Variants in GALNT8 observed in about 807,000 individuals in gnomAD.
GALNT8 encodes the protein polypeptide N-acetylgalactosaminyltransferase 8.
Under a neutral mutation model 62.7 loss-of-function variants are expected in GALNT8, and 66 were observed. The observed-to-expected ratio is 1.05, with a 90% confidence interval of 0.86 to 1.29. GALNT8 has a LOEUF of 1.29. GALNT8 is among the 50% of genes most tolerant of loss of function. The pLI is 0.00. For missense variants in GALNT8, 771 were observed against 791.8 expected (o/e 0.97, Z 0.32); for synonymous variants, 288 against 294.3 (o/e 0.98, Z 0.22).
chr12:4,727,816 T>C (rs1428220202), intron 2 of GALNT8, among the ~76,000 whole-genome samples: 1 of 152,242 alleles, frequency 6.6e-6, no homozygotes, highest in Non-Finnish European at 1.5e-5. Flanking sequence ...TGAATAATAC[T>C]GCTGTGAACA....
At position 4,760,976 on chromosome 12, in the gene GALNT8, A is replaced by C. The variant is rs1591573764; in HGVS notation, c.1192A>C (p.Lys398Gln). 1 of 1,613,630 alleles carries C rather than the reference A, an allele frequency of 6.2e-7. No individual in the cohort carries two copies. ...TCTGCAGGTGTGGCAGTGTGGAGGG[A>C]AGGTCGAGATTTTGCCCTGTTCCCG... ...LSLRVWQCGG[K>Q]VEILPCSRIA... Residue 398 changes from lysine to glutamine, a missense_variant, in exon 7 of 11, where the codon AAG becomes CAG. Coordinates refer to ENST00000252318, the MANE Select transcript of GALNT8 (RefSeq NM_017417.2).
At chr12:4,769,096 T>G (rs971546405) in intron 10 of GALNT8, among the ~76,000 whole-genome samples, 1 of 152,158 alleles carries the variant, frequency 6.6e-6, no homozygotes, top group Admixed American at 6.5e-5. Flanking sequence ...GTTAAGATAG[T>G]GTGCCACTGA....
At chr12:4,743,119 G>GGGATTACA (rs1946279399) in intron 3 of GALNT8, among the ~76,000 whole-genome samples, 1 of 152,228 alleles carries the variant, frequency 6.6e-6, no homozygotes, top group South Asian at 2.1e-4. Context: ...CCAAAGTGCT[G>GGGATTACA]GGATTACAGG....
In GALNT8 at chr12:4,771,263, C is replaced by T. The variant is rs370558549; in HGVS notation, c.1762-1182C>T. Among the ~76,000 whole-genome samples, 32 of 152,314 alleles carry T rather than the reference C, an allele frequency of 2.1e-4. 1 individual carries two copies. The East Asian group carries it at 3.9e-3, about 18-fold the overall frequency. On this transcript the variant is annotated intron_variant, in intron 10 of 10. Coordinates refer to ENST00000252318, the MANE Select transcript of GALNT8 (RefSeq NM_017417.2). ...CTGCTCAGTTGGCAGACCCTGTCCA[C>T]AAGCACTCTGTGGTCTGGAAGCAAA...
At chr12:4,731,540 G>A (rs1946222033) in intron 2 of GALNT8, among the ~76,000 whole-genome samples, 1 of 152,162 alleles carries the variant, frequency 6.6e-6, no homozygotes, top group South Asian at 2.1e-4. Context: ...AAATGTGAGA[G>A]CGAGCATTCT....
chr12:4,743,214 G>C (rs1019929915), intron 3 of GALNT8, among the ~76,000 whole-genome samples: 7 of 152,156 alleles, frequency 4.6e-5, no homozygotes, highest in African/African-American at 1.7e-4. Context: ...GGATGATGTA[G>C]TGACTGAATT....
Position 4,763,999 on chromosome 12 carries a change from T to C in GALNT8, c.1545T>C (p.Val515=), listed in dbSNP as rs1946386044. 6.2e-7 allele frequency: 1 copy of C among 1,601,960 alleles called. No individual in the cohort carries two copies. The highest frequency in any genetic ancestry group is 2.2e-5 in the East Asian group (1 of 44,816). Residue 515 remains valine (V), a synonymous_variant, in exon 9 of 11, where the codon GTT becomes GTC. Coordinates refer to ENST00000252318, the MANE Select transcript of GALNT8 (RefSeq NM_017417.2). ...ATGTCTGCTTGGATCAGGGACCCGT[T>C]CCAGGCAACACCCCCATCATGTATT... is the stretch of plus-strand genomic sequence containing the variant. ...DENVCLDQGP[V]PGNTPIMYYC...
intron 6 of GALNT8, among the ~76,000 whole-genome samples, chr12:4,755,708 A>G (rs560612745): frequency 4.1e-4 from 63 of 152,310 alleles, no homozygotes; most frequent in African/African-American, 1.4e-3. Flanking sequence ...TTTGTGCTCT[A>G]TAAGGGAATT....
At chr12:4,748,266 TG>T (rs1946308984) in intron 6 of GALNT8, among the ~76,000 whole-genome samples, 1 of 152,294 alleles carries the variant, frequency 6.6e-6, no homozygotes, top group East Asian at 1.9e-4. Flanking sequence ...TGCCTGTGCT[TG>T]TGGGGTATTG....
intron 6 of GALNT8, among the ~76,000 whole-genome samples, chr12:4,746,518 A>G: frequency 6.6e-6 from 1 of 152,022 alleles, no homozygotes; most frequent in East Asian, 1.9e-4. Flanking sequence ...TCCCTATTTC[A>G]CTTGAGGACT....
At chr12:4,725,846 G>T (rs565838220) in intron 1 of GALNT8, among the ~76,000 whole-genome samples, 1 of 152,116 alleles carries the variant, frequency 6.6e-6, no homozygotes, top group African/African-American at 2.4e-5. Context: ...GAGCCACCAC[G>T]CCCGGCCTGC....
intron 6 of GALNT8, among the ~76,000 whole-genome samples, chr12:4,756,010 G>A (rs906879898): frequency 6.6e-6 from 1 of 152,144 alleles, no homozygotes; most frequent in Non-Finnish European, 1.5e-5. Context: ...GTGAAGTCTC[G>A]TAAGGCCTAG....
intron 6 of GALNT8, among the ~76,000 whole-genome samples, chr12:4,755,702 T>G (rs1442181289): frequency 6.6e-6 from 1 of 152,220 alleles, no homozygotes; most frequent in Non-Finnish European, 1.5e-5. Flanking sequence ...TGAATTTTTG[T>G]GCTCTATAAG....
At chr12:4,765,601 A>T (rs966200539) in intron 10 of GALNT8, 55 bp downstream of exon 10, 1 of 1,397,590 alleles carries the variant, frequency 7.2e-7, no homozygotes, top group African/African-American at 1.4e-5. Context: ...TTTTGTTTTG[A>T]GACTGAGTCT....
At chr12:4,756,968 C>CG (rs376997873) in intron 6 of GALNT8, among the ~76,000 whole-genome samples, 84 of 152,166 alleles carry the variant, frequency 5.5e-4, no homozygotes, top group South Asian at 1.0e-3. Flanking sequence ...TGGATCATGT[C>CG]GGGGGGGTTT....
At chr12:4,746,497 A>C (rs1240324716) in intron 6 of GALNT8, among the ~76,000 whole-genome samples, 1 of 152,114 alleles carries the variant, frequency 6.6e-6, no homozygotes, top group East Asian at 1.9e-4. Flanking sequence ...TTGGGATTGA[A>C]TAGATAGATG....
At chr12:4,758,650 G>A (rs1946357473) in intron 6 of GALNT8, among the ~76,000 whole-genome samples, 1 of 148,740 alleles carries the variant, frequency 6.7e-6, no homozygotes, top group South Asian at 2.1e-4. Context: ...GAGAGAGAGA[G>A]AGAGAGAGAG....
At position 4,742,220 on chromosome 12, in the gene GALNT8, A is replaced by G. The variant is rs1018976972; in HGVS notation, c.677-2297A>G. On this transcript the variant is annotated intron_variant, in intron 3 of 10. Coordinates refer to ENST00000252318, the MANE Select transcript of GALNT8 (RefSeq NM_017417.2). ...CACCTATCTCAGTGTTATTTGTAGT[A>G]CTTTTGAAATGCCACAACCTGGTGC... Among the ~76,000 whole-genome samples the G allele has an allele frequency of 1.1e-4, 16 of 152,306 alleles. No homozygotes were observed. The South Asian group carries it at 2.7e-3, about 26-fold the overall frequency.
intron 3 of GALNT8, among the ~76,000 whole-genome samples, chr12:4,742,732 G>A (rs1337094741): frequency 1.3e-5 from 2 of 152,072 alleles, no homozygotes; most frequent in African/African-American, 4.8e-5. Flanking sequence ...AACTGGGTCG[G>A]GGTGGAGAGC....
Sources: gnomAD v4.1 joint callset for allele counts (sites outside exome capture counted in the v4.1 genomes callset) on GRCh38, gnomAD v4.1.1 for gene constraint, MANE v1.5 for transcripts, NCBI Gene and HGNC (gene_info 2026-07-23, HGNC 2026-07-21) for gene names.